The following ZNF277 variants were observed in gnomAD, a reference collection of about 807,000 sequenced individuals.
ZNF277 encodes the protein zinc finger protein 277.
ZNF277 carries 55 observed loss-of-function variants against 60.7 expected under a neutral mutation model. The observed-to-expected ratio is 0.91, with a 90% CI of 0.73 to 1.13. The LOEUF is 1.13. Among genes scored for constraint, ZNF277 ranks in the 50% most tolerant of loss-of-function variants. ZNF277 has a pLI of 0.00. For missense variants in ZNF277, 510 were observed against 523.0 expected (o/e 0.98, Z 0.24); for synonymous variants, 178 against 179.3 (o/e 0.99, Z 0.06).
At chr7:112,259,454 C>G (rs1008873424) in intron 1 of ZNF277, among the ~76,000 whole-genome samples, 1 of 152,102 alleles carries the variant, frequency 6.6e-6, no homozygotes, top group African/African-American at 2.4e-5. Context: ...AGAAAAGAAC[C>G]TAAGCCGCAG....
chr7:112,308,693 C>T (rs979787840), intron 4 of ZNF277, among the ~76,000 whole-genome samples: 2 of 151,986 alleles, frequency 1.3e-5, no homozygotes, highest in African/African-American at 4.8e-5. Flanking sequence ...CTAGTCTGTG[C>T]TTAGGATGTA....
intron 1 of ZNF277, among the ~76,000 whole-genome samples, chr7:112,283,375 T>C (rs1417079302): frequency 1.3e-5 from 2 of 152,042 alleles, no homozygotes; most frequent in African/African-American, 4.8e-5. Flanking sequence ...ATACAAAAAT[T>C]AGCAGGGTGT....
intron 1 of ZNF277, among the ~76,000 whole-genome samples, chr7:112,273,382 C>T (rs1008346973): frequency 9.2e-5 from 14 of 152,178 alleles, no homozygotes; most frequent in African/African-American, 2.9e-4. Flanking sequence ...TCTCCCTCCA[C>T]CAAACATACA....
At chr7:112,332,687 T>G (rs1793250952) in intron 7 of ZNF277, among the ~76,000 whole-genome samples, 1 of 152,122 alleles carries the variant, frequency 6.6e-6, no homozygotes, top group Non-Finnish European at 1.5e-5. Context: ...TATTCCCTAT[T>G]CCTATGCGAA....
At chr7:112,293,424 G>C (rs1283167509) in intron 2 of ZNF277, among the ~76,000 whole-genome samples, 2 of 151,622 alleles carry the variant, frequency 1.3e-5, no homozygotes, top group Non-Finnish European at 2.9e-5. Context: ...AAAAAAAATA[G>C]GAAAATTAGT....
At chr7:112,303,865 T>C (rs1453664461) in intron 4 of ZNF277, among the ~76,000 whole-genome samples, 1 of 152,102 alleles carries the variant, frequency 6.6e-6, no homozygotes, top group African/African-American at 2.4e-5. Context: ...GACTCAAAAG[T>C]AGAAGAAAAA....
At chr7:112,296,115 A>G (rs1263977390) in intron 3 of ZNF277, 114 bp from the exon 4 acceptor site, 17 of 993,000 alleles carry the variant, frequency 1.7e-5, no homozygotes, top group Middle Eastern at 2.1e-4. Context: ...AAACAGTTCT[A>G]TGCCAAAGAG....
chr7:112,289,481 T>A lies in ZNF277; in HGVS notation c.293+2407T>A, dbSNP rs114129911. Among the ~76,000 whole-genome samples, 1,428 of 152,358 alleles carry A rather than the reference T, an allele frequency of 9.4e-3. 17 individuals are homozygous for A. The highest frequency in any genetic ancestry group is 0.032 in the African/African-American group (1,337 of 41,582). On this transcript the variant is annotated intron_variant, in intron 2 of 11. Transcript: ENST00000361822. ...AAATAAACTAATTCCCTACATGCTCTCATAGGACATACTCTCTGCTCCTCA... is the reference window on the plus strand; with the variant it reads ...AAATAAACTAATTCCCTACATGCTCACATAGGACATACTCTCTGCTCCTCA...
rs1416411803 is a variant in ZNF277 at position 112,286,796 on chromosome 7, G to A, written c.92-77G>A. Reference sequence around the variant, plus strand: ...TTAGGATCTTTTTAATGCAGGAGGTGGGAAATCATCCATATGAAGAGTTGG... The same window carrying A: ...TTAGGATCTTTTTAATGCAGGAGGTAGGAAATCATCCATATGAAGAGTTGG... On this transcript the variant is annotated intron_variant, in intron 1 of 11. Coordinates refer to ENST00000361822, the MANE Select transcript of ZNF277 (RefSeq NM_021994.3). 6.5e-6 allele frequency: 8 copies of A among 1,231,728 alleles called. No individual in the cohort carries two copies. In the East Asian group the frequency reaches 1.3e-4, roughly 19 times the overall value. The allele number at this position is 1,231,728 out of a possible 1,614,324, so 76.3% of individuals were successfully genotyped here. A position where few individuals can be genotyped will look rare whatever the true frequency, so the allele number is the denominator to read the frequency against.
chr7:112,212,773 A>G (rs1174163614), intron 1 of ZNF277, among the ~76,000 whole-genome samples: 1 of 152,154 alleles, frequency 6.6e-6, no homozygotes, highest in Non-Finnish European at 1.5e-5. Flanking sequence ...GGTGCTACAT[A>G]CTAGTATTAC....
At chr7:112,321,017 G>A (rs1276202440) in intron 5 of ZNF277, among the ~76,000 whole-genome samples, 2 of 147,502 alleles carry the variant, frequency 1.4e-5, no homozygotes, top group Non-Finnish European at 3.0e-5. Context: ...CGCCTCCCGA[G>A]TTCAAGCCAT....
intron 1 of ZNF277, among the ~76,000 whole-genome samples, chr7:112,250,204 T>TA (rs1438686895): frequency 1.3e-5 from 2 of 151,574 alleles, no homozygotes; most frequent in African/African-American, 4.8e-5. Flanking sequence ...AGAGATGAAA[T>TA]AGACTCCAGT....
intron 1 of ZNF277, among the ~76,000 whole-genome samples, chr7:112,217,002 G>T (rs910391949): frequency 1.3e-5 from 2 of 152,198 alleles, no homozygotes; most frequent in African/African-American, 4.8e-5. Context: ...GCTACTGATA[G>T]AACTGAGGTT....
intron 2 of ZNF277, among the ~76,000 whole-genome samples, chr7:112,291,678 C>T (rs1475319803): frequency 6.6e-6 from 1 of 152,158 alleles, no homozygotes; most frequent in African/African-American, 2.4e-5. Flanking sequence ...TATTCTATCA[C>T]TCAGTTGATT....
At chr7:112,252,585 A>G (rs193263907) in intron 1 of ZNF277, among the ~76,000 whole-genome samples, 101 of 152,292 alleles carry the variant, frequency 6.6e-4, no homozygotes, top group African/African-American at 1.7e-3. Flanking sequence ...AAGGAATTCT[A>G]CTGGGTAGAA....
intron 2 of ZNF277, among the ~76,000 whole-genome samples, chr7:112,295,659 C>T (rs1039460606): frequency 2.0e-5 from 3 of 152,058 alleles, no homozygotes; most frequent in Admixed American, 1.3e-4. Context: ...CATGCCCTTA[C>T]ATGGTAATTC....
chr7:112,258,843 T>C (rs1032532129), intron 1 of ZNF277, among the ~76,000 whole-genome samples: 2 of 152,158 alleles, frequency 1.3e-5, no homozygotes, highest in African/African-American at 4.8e-5. Context: ...TGAACATTTT[T>C]GTCTACATAT....
chr7:112,219,803 A>T (rs1469699944), intron 1 of ZNF277, among the ~76,000 whole-genome samples: 1 of 151,962 alleles, frequency 6.6e-6, no homozygotes, highest in Non-Finnish European at 1.5e-5. Flanking sequence ...ACCTGGCTAA[A>T]TTTTAAAATT....
intron 1 of ZNF277, among the ~76,000 whole-genome samples, chr7:112,278,169 T>C (rs561598339): frequency 3.3e-5 from 5 of 152,316 alleles, no homozygotes; most frequent in African/African-American, 9.6e-5. Flanking sequence ...TAATTTAATG[T>C]TCTGCAGAAA....
Sources: gnomAD v4.1 joint callset for allele counts (sites outside exome capture counted in the v4.1 genomes callset) on GRCh38, gnomAD v4.1.1 for gene constraint, MANE v1.5 for transcripts, NCBI Gene and HGNC (gene_info 2026-07-23, HGNC 2026-07-21) for gene names.